The following OSBP2 variants were observed in gnomAD, a reference collection of about 807,000 sequenced individuals.
OSBP2 encodes the protein oxysterol-binding protein 2.
Under a neutral mutation model 96.0 loss-of-function variants are expected in OSBP2, and 66 were observed. That is an observed-to-expected ratio of 0.69 (90% confidence interval 0.56 to 0.84). The LOEUF (loss-of-function observed/expected upper bound fraction) is 0.84, where lower values mean the gene tolerates loss of function less well. Ranked by LOEUF, OSBP2 falls within the 40% of genes least tolerant of loss-of-function variation. The pLI is 0.00. For missense variants in OSBP2, 1,038 were observed against 1,222.7 expected, an observed-to-expected ratio of 0.85 and a Z score of 2.25; for synonymous variants, 525 against 520.9, an observed-to-expected ratio of 1.01 and a Z score of -0.11.
intron 1 of OSBP2, among the ~76,000 whole-genome samples, chr22:30,701,622 C>T (rs979334873): frequency 3.3e-5 from 5 of 152,230 alleles, no homozygotes; most frequent in South Asian, 2.1e-4. Flanking sequence ...GGATTACAGG[C>T]GTGAGCCACC....
chr22:30,858,315 T>G (rs1602368052), intron 2 of OSBP2, among the ~76,000 whole-genome samples: 1 of 147,920 alleles, frequency 6.8e-6, no homozygotes, highest in Non-Finnish European at 1.5e-5. Context: ...CCCGGCTAAT[T>G]TTTTGTATTT....
At chr22:30,843,157 C>T (rs2038790382) in intron 2 of OSBP2, among the ~76,000 whole-genome samples, 1 of 152,202 alleles carries the variant, frequency 6.6e-6, no homozygotes, top group Non-Finnish European at 1.5e-5. Flanking sequence ...TTTGCAGTTA[C>T]TTCCTCCACT....
intron 1 of OSBP2, among the ~76,000 whole-genome samples, chr22:30,720,592 C>T (rs1193018788): frequency 6.6e-6 from 1 of 152,184 alleles, no homozygotes; most frequent in Non-Finnish European, 1.5e-5. Context: ...GATCTCTGGT[C>T]AGTGTGGGAG....
At chr22:30,818,732 T>C (rs1389414849) in intron 2 of OSBP2, among the ~76,000 whole-genome samples, 3 of 152,186 alleles carry the variant, frequency 2.0e-5, no homozygotes, top group Non-Finnish European at 4.4e-5. Context: ...TGATTAGTAA[T>C]GTTCTGGTAG....
intron 2 of OSBP2, among the ~76,000 whole-genome samples, chr22:30,745,053 A>G (rs2089981192): frequency 6.6e-6 from 1 of 152,194 alleles, no homozygotes; most frequent in African/African-American, 2.4e-5. Flanking sequence ...TAAACAACAT[A>G]CTCTTAAACA....
intron 2 of OSBP2, among the ~76,000 whole-genome samples, chr22:30,770,357 A>G (rs1001890555): frequency 4.0e-5 from 6 of 151,882 alleles, no homozygotes; most frequent in African/African-American, 1.5e-4. Context: ...CGGCCTCCCA[A>G]AGTGCTGGGA....
intron 2 of OSBP2, among the ~76,000 whole-genome samples, chr22:30,839,532 A>G (rs2038703917): frequency 6.6e-6 from 1 of 151,104 alleles, no homozygotes. Context: ...CTTTTTAATG[A>G]TTGCCATTCT....
intron 2 of OSBP2, among the ~76,000 whole-genome samples, chr22:30,864,334 A>G (rs923465234): frequency 3.3e-5 from 5 of 152,146 alleles, no homozygotes; most frequent in Admixed American, 6.5e-5. Flanking sequence ...GGGGAGCCCA[A>G]AGGAGGGAGC....
chr22:30,778,822 G>T (rs2090473761), intron 2 of OSBP2, among the ~76,000 whole-genome samples: 1 of 151,902 alleles, frequency 6.6e-6, no homozygotes, highest in South Asian at 2.1e-4. Context: ...GGTCACTTGA[G>T]GTCAGGAGTT....
At chr22:30,879,881 G>A (rs1276698921) in intron 3 of OSBP2, among the ~76,000 whole-genome samples, 1 of 152,110 alleles carries the variant, frequency 6.6e-6, no homozygotes, top group African/African-American at 2.4e-5. Flanking sequence ...GTGAAACCCT[G>A]TCTCTACTAA....
intron 12 of OSBP2, among the ~76,000 whole-genome samples, chr22:30,895,683 A>C (rs2040048357): frequency 6.6e-6 from 1 of 152,168 alleles, no homozygotes; most frequent in Non-Finnish European, 1.5e-5. Flanking sequence ...TCACGCCTGT[A>C]ATCCCAACAC....
At chr22:30,839,568 A>G (rs1373010822) in intron 2 of OSBP2, among the ~76,000 whole-genome samples, 6 of 151,786 alleles carry the variant, frequency 4.0e-5, no homozygotes, top group East Asian at 1.9e-4. Flanking sequence ...GTATCTCATT[A>G]TGGTTTTGAT....
intron 2 of OSBP2, among the ~76,000 whole-genome samples, chr22:30,766,546 G>A (rs1446930134): frequency 4.6e-5 from 7 of 152,298 alleles, no homozygotes; most frequent in South Asian, 2.1e-4. Flanking sequence ...CCTGGAGCCC[G>A]TGTAGTGCCA....
intron 2 of OSBP2, among the ~76,000 whole-genome samples, chr22:30,765,835 T>C (rs2090263231): frequency 6.6e-6 from 1 of 152,220 alleles, no homozygotes; most frequent in African/African-American, 2.4e-5. Flanking sequence ...AAACCACTTC[T>C]GTCTATATCA....
intron 2 of OSBP2, chr22:30,770,440 GA>G (rs1353607268): frequency 6.6e-6 from 1 of 152,258 alleles, no homozygotes; most frequent in African/African-American, 2.4e-5. Flanking sequence ...GTGGAACTGT[GA>G]GTCCATTAAA....
intron 2 of OSBP2, among the ~76,000 whole-genome samples, chr22:30,840,615 A>G (rs2038732459): frequency 6.6e-6 from 1 of 152,210 alleles, no homozygotes; most frequent in African/African-American, 2.4e-5. Flanking sequence ...TCTTATCTGT[A>G]AGATGGGATT....
intron 1 of OSBP2, among the ~76,000 whole-genome samples, chr22:30,727,009 G>A (rs2089662872): frequency 6.6e-6 from 1 of 152,168 alleles, no homozygotes; most frequent in South Asian, 2.1e-4. Context: ...AGTCTGTGTA[G>A]CCCAATTGGT....
chr22:30,710,745 G>A (rs1472969643), intron 1 of OSBP2, among the ~76,000 whole-genome samples: 1 of 152,048 alleles, frequency 6.6e-6, no homozygotes, highest in Non-Finnish European at 1.5e-5. Context: ...CTAGTAGCTG[G>A]GATTACAGGC....
At chr22:30,827,237 C>T (rs570377459) in intron 2 of OSBP2, among the ~76,000 whole-genome samples, 1 of 152,102 alleles carries the variant, frequency 6.6e-6, no homozygotes, top group African/African-American at 2.4e-5. Context: ...GTTGTGAGGG[C>T]ACAGCTCTGC....
Sources: allele counts gnomAD v4.1 joint callset (sites outside exome capture counted in the v4.1 genomes callset), GRCh38; gene constraint gnomAD v4.1.1; transcripts MANE v1.5; gene names NCBI Gene and HGNC (gene_info 2026-07-23, HGNC 2026-07-21).